Variants in NALF1 observed in about 807,000 individuals in gnomAD.
NALF1 encodes NALCN channel auxiliary factor 1, also known as family with sequence similarity 155 member A.
In NALF1, 3 loss-of-function variants were observed where a neutral mutation model predicts 48.4. The observed-to-expected ratio is 0.06, with a 90% confidence interval of 0.03 to 0.16. The LOEUF (loss-of-function observed/expected upper bound fraction) is 0.16. Among genes scored for constraint, NALF1 ranks in the 10% least tolerant of loss-of-function variants. The pLI is 1.00. For synonymous variants in NALF1, 262 were observed against 245.7 expected, an observed-to-expected ratio of 1.07 and a Z score of -0.62; for missense variants, 526 against 571.5, an observed-to-expected ratio of 0.92 and a Z score of 0.81.
At chr13:107,757,867 T>G (rs1319076532) in intron 1 of NALF1, among the ~76,000 whole-genome samples, 1 of 152,210 alleles carries the variant, frequency 6.6e-6, no homozygotes, top group African/African-American at 2.4e-5. Context: ...CAAATCATCT[T>G]GAGTTTTGTA....
At chr13:107,491,311 G>A (rs1185197958) in intron 1 of NALF1, among the ~76,000 whole-genome samples, 1 of 152,226 alleles carries the variant, frequency 6.6e-6, no homozygotes, top group Non-Finnish European at 1.5e-5. Context: ...GACATTGCAA[G>A]AAATTCCTCC....
intron 1 of NALF1, chr13:107,531,314 C>T (rs928873482): frequency 1.2e-5 from 2 of 164,084 alleles, no homozygotes; most frequent in African/African-American, 4.8e-5. Context: ...GATGAGTGAG[C>T]TCTTCTTCTG....
chr13:107,301,597 G>T (rs1014647483), intron 1 of NALF1, among the ~76,000 whole-genome samples: 1 of 151,816 alleles, frequency 6.6e-6, no homozygotes. Context: ...AATATTTTAT[G>T]GGATTATATG....
chr13:107,664,538 G>A (rs571670069), intron 1 of NALF1, among the ~76,000 whole-genome samples: 6 of 152,066 alleles, frequency 3.9e-5, no homozygotes, highest in Non-Finnish European at 8.8e-5. Context: ...GGCCTTATCT[G>A]ATCTGCCTTC....
At chr13:107,830,027 A>G (rs568156145) in intron 1 of NALF1, among the ~76,000 whole-genome samples, 11 of 152,184 alleles carry the variant, frequency 7.2e-5, no homozygotes, top group Non-Finnish European at 1.2e-4. Context: ...GCAGAAGATT[A>G]CCTTTTTATA....
At chr13:107,821,657 G>A (rs1443006915) in intron 1 of NALF1, among the ~76,000 whole-genome samples, 1 of 152,156 alleles carries the variant, frequency 6.6e-6, no homozygotes, top group African/African-American at 2.4e-5. Context: ...GAGGAGACTG[G>A]GGAGATATGA....
At chr13:107,219,238 CCAA>C (rs143300606) in intron 1 of NALF1, among the ~76,000 whole-genome samples, 5,910 of 152,210 alleles carry the variant, frequency 0.039, 163 homozygotes, top group East Asian at 0.084. Context: ...GGACTCTCAG[CCAA>C]CAAGCAATGC....
chr13:107,489,053 T>C (rs1885374288), intron 1 of NALF1, among the ~76,000 whole-genome samples: 1 of 152,142 alleles, frequency 6.6e-6, no homozygotes, highest in Admixed American at 6.5e-5. Flanking sequence ...TACGTAGGAA[T>C]ACAGTTAACT....
At chr13:107,509,373 A>G (rs1026579222) in intron 1 of NALF1, among the ~76,000 whole-genome samples, 3 of 152,188 alleles carry the variant, frequency 2.0e-5, no homozygotes, top group Non-Finnish European at 4.4e-5. Context: ...ATTAATAACT[A>G]CGAAACCGTT....
intron 1 of NALF1, among the ~76,000 whole-genome samples, chr13:107,810,501 G>C (rs1878955381): frequency 6.6e-6 from 1 of 151,928 alleles, no homozygotes; most frequent in Non-Finnish European, 1.5e-5. Context: ...CATTTCTGTT[G>C]ATCTCCTTAA....
At chr13:107,263,912 T>C (rs1293227889) in intron 1 of NALF1, among the ~76,000 whole-genome samples, 2 of 152,324 alleles carry the variant, frequency 1.3e-5, no homozygotes, top group East Asian at 3.9e-4. Flanking sequence ...GCCTAATTGA[T>C]ACACACAGCT....
chr13:107,780,792 C>A (rs2138577844), intron 1 of NALF1, among the ~76,000 whole-genome samples: 1 of 152,156 alleles, frequency 6.6e-6, no homozygotes, highest in Non-Finnish European at 1.5e-5. Context: ...GTTTTAATTT[C>A]TGTAAAGTGC....
intron 1 of NALF1, among the ~76,000 whole-genome samples, chr13:107,472,987 T>C (rs1262634966): frequency 6.6e-6 from 1 of 152,198 alleles, no homozygotes; most frequent in African/African-American, 2.4e-5. Flanking sequence ...GGAATTTGTC[T>C]TTTCTATTCC....
intron 1 of NALF1, among the ~76,000 whole-genome samples, chr13:107,525,912 C>G (rs565638846): frequency 6.6e-6 from 1 of 151,902 alleles, no homozygotes. Flanking sequence ...ACATTTTGTG[C>G]TTATTTACTA....
chr13:107,684,324 T>G (rs754012053), intron 1 of NALF1, among the ~76,000 whole-genome samples: 1 of 152,146 alleles, frequency 6.6e-6, no homozygotes, highest in Non-Finnish European at 1.5e-5. Context: ...ATGTGAAAGG[T>G]CAGGAAGAGG....
At chr13:107,377,020 TCCC>T (rs1883351388) in intron 1 of NALF1, among the ~76,000 whole-genome samples, 1 of 152,134 alleles carries the variant, frequency 6.6e-6, no homozygotes, top group Non-Finnish European at 1.5e-5. Context: ...GTCCCTTCCC[TCCC>T]AGCAGATTAT....
intron 1 of NALF1, among the ~76,000 whole-genome samples, chr13:107,757,415 CTTTT>C (rs3074821): frequency 9.3e-6 from 1 of 107,930 alleles, no homozygotes. Context: ...GCCCTCATTT[CTTTT>C]TTTTTTTTTT....
intron 1 of NALF1, among the ~76,000 whole-genome samples, chr13:107,511,662 C>T (rs1330671493): frequency 4.6e-5 from 7 of 152,060 alleles, no homozygotes; most frequent in Non-Finnish European, 1.5e-5. Context: ...GGCAGGGAGA[C>T]TTTATCTTTG....
intron 1 of NALF1, among the ~76,000 whole-genome samples, chr13:107,691,483 G>A (rs556406273): frequency 6.6e-6 from 1 of 152,310 alleles, no homozygotes; most frequent in South Asian, 2.1e-4. Flanking sequence ...TTGCCTTTGA[G>A]ATCTGAATCA....
Sources: allele counts gnomAD v4.1 joint callset (sites outside exome capture counted in the v4.1 genomes callset), GRCh38; gene constraint gnomAD v4.1.1; transcripts MANE v1.5; gene names NCBI Gene and HGNC (gene_info 2026-07-23, HGNC 2026-07-21).